The following LMX1A variants were observed in gnomAD, a reference collection of about 807,000 sequenced individuals.
The protein encoded by LMX1A is LIM homeobox transcription factor 1 alpha.
In LMX1A, 15 loss-of-function variants were observed where a neutral mutation model predicts 49.1. The observed-to-expected ratio is 0.31, with a 90% CI of 0.20 to 0.47. The LOEUF (loss-of-function observed/expected upper bound fraction) is 0.47, where lower values mean the gene tolerates loss of function less well. Ranked by LOEUF, LMX1A falls within the 20% of genes least tolerant of loss-of-function variation. LMX1A has a pLI of 1.00. For synonymous variants in LMX1A, 167 were observed against 185.7 expected (o/e 0.90, Z 0.82); for missense variants, 372 against 475.8 (o/e 0.78, Z 2.03).
At chr1:165,235,407 G>GACAC (rs5778434) in intron 4 of LMX1A, among the ~76,000 whole-genome samples, 65,820 of 134,428 alleles carry the variant, frequency 0.49, 14,527 homozygotes, top group Middle Eastern at 0.54. Context: ...CGCTCGCGCG[G>GACAC]ACACACACAC....
intron 3 of LMX1A, among the ~76,000 whole-genome samples, chr1:165,346,202 C>CT (rs1656240376): frequency 6.6e-6 from 1 of 152,196 alleles, no homozygotes; most frequent in Admixed American, 6.5e-5. Flanking sequence ...ATCTATCACT[C>CT]TATTATACAA....
intron 4 of LMX1A, among the ~76,000 whole-genome samples, chr1:165,231,562 AT>A (rs1249126550): frequency 6.6e-6 from 1 of 152,180 alleles, no homozygotes; most frequent in Non-Finnish European, 1.5e-5. Context: ...GGAATTGCAG[AT>A]GTGAGCCAAT....
At chr1:165,320,837 G>C (rs566291197) in intron 3 of LMX1A, among the ~76,000 whole-genome samples, 1 of 152,250 alleles carries the variant, frequency 6.6e-6, no homozygotes, top group Admixed American at 6.5e-5. Flanking sequence ...CATGTGATAA[G>C]TCAGATACAT....
rs1211352567 is a variant in LMX1A at position 165,259,358 on chromosome 1, TTG to T, written c.264-9720_264-9719del. On this transcript the variant is annotated intron_variant, in intron 3 of 8. Transcript: ENST00000342310. ...GAGTGTTGACCCACACACAAATTCA[TTG>T]CCTAACACCCAGCATATGTTCAGGA... 4.6e-5 allele frequency among the ~76,000 whole-genome samples: 7 copies of T among 152,300 alleles called. No homozygotes were observed. The East Asian group carries it at 9.6e-4, about 21-fold the overall frequency.
chr1:165,284,926 G>T (rs1027391037), intron 3 of LMX1A, among the ~76,000 whole-genome samples: 3 of 152,204 alleles, frequency 2.0e-5, no homozygotes, highest in Non-Finnish European at 2.9e-5. Context: ...GGAAAATCAC[G>T]TATGGTTGTT....
At chr1:165,222,064 C>T (rs973156611) in intron 4 of LMX1A, among the ~76,000 whole-genome samples, 4 of 152,088 alleles carry the variant, frequency 2.6e-5, no homozygotes, top group Admixed American at 2.6e-4. Context: ...CTGATAAGCA[C>T]AGGTGTATAC....
At chr1:165,239,277 G>A (rs1328564488) in intron 4 of LMX1A, among the ~76,000 whole-genome samples, 1 of 152,198 alleles carries the variant, frequency 6.6e-6, no homozygotes, top group East Asian at 1.9e-4. Flanking sequence ...TATGGTCAAT[G>A]TAAAAAGGAC....
intron 3 of LMX1A, among the ~76,000 whole-genome samples, chr1:165,332,701 A>G (rs1655783947): frequency 6.6e-6 from 1 of 152,188 alleles, no homozygotes; most frequent in South Asian, 2.1e-4. Context: ...TTGTTTCTCA[A>G]CAACATTCAT....
intron 3 of LMX1A, among the ~76,000 whole-genome samples, chr1:165,351,594 C>T (rs532641130): frequency 2.0e-5 from 3 of 152,282 alleles, no homozygotes; most frequent in African/African-American, 4.8e-5. Flanking sequence ...AAATCCAGCA[C>T]ACGTTTCTTT....
intron 3 of LMX1A, among the ~76,000 whole-genome samples, chr1:165,282,274 C>T (rs556523856): frequency 2.6e-5 from 4 of 152,184 alleles, no homozygotes; most frequent in Non-Finnish European, 5.9e-5. Context: ...CCTGAATATA[C>T]AGTCACCCCT....
intron 3 of LMX1A, among the ~76,000 whole-genome samples, chr1:165,309,643 G>A (rs1003226147): frequency 3.3e-5 from 5 of 152,114 alleles, no homozygotes; most frequent in Non-Finnish European, 5.9e-5. Flanking sequence ...CATGGCTCTC[G>A]GCAGCCTCTC....
At chr1:165,314,084 C>T (rs1396918260) in intron 3 of LMX1A, among the ~76,000 whole-genome samples, 3 of 152,184 alleles carry the variant, frequency 2.0e-5, no homozygotes, top group Non-Finnish European at 4.4e-5. Flanking sequence ...GGCAACCAAG[C>T]CAGCTCCCTA....
rs903401826 is a variant in LMX1A, at chr1:165,213,860, C to T, written c.497-47G>A. 2.5e-6 allele frequency: 4 copies of T among 1,581,762 alleles called. No homozygotes were observed. In the African/African-American group the frequency reaches 4.1e-5, roughly 16 times the overall value. On this transcript the variant is annotated intron_variant, in intron 4 of 8. Transcript: ENST00000342310. ...GTTGTGAGTCCCTGAAAGCCAGTTC[C>T]TGGAGCTGTATGTTATTCCATAGCA...
chr1:165,275,499 T>C (rs1653937630), intron 3 of LMX1A, among the ~76,000 whole-genome samples: 2 of 152,152 alleles, frequency 1.3e-5, no homozygotes, highest in Admixed American at 1.3e-4. Flanking sequence ...CCACGTAACT[T>C]CTAGTCATCT....
At chr1:165,265,303 G>A (rs947914535) in intron 3 of LMX1A, among the ~76,000 whole-genome samples, 1 of 152,036 alleles carries the variant, frequency 6.6e-6, no homozygotes, top group African/African-American at 2.4e-5. Flanking sequence ...AAAATAGGAA[G>A]TTGCAGACCT....
intron 3 of LMX1A, among the ~76,000 whole-genome samples, chr1:165,281,967 G>C (rs536677010): frequency 6.6e-6 from 1 of 152,126 alleles, no homozygotes; most frequent in African/African-American, 2.4e-5. Flanking sequence ...ATGACCCCCA[G>C]GTGTGAAATG....
At chr1:165,288,175 T>C (rs903793529) in intron 3 of LMX1A, among the ~76,000 whole-genome samples, 1 of 152,106 alleles carries the variant, frequency 6.6e-6, no homozygotes, top group Non-Finnish European at 1.5e-5. Flanking sequence ...TCCCAAGGGG[T>C]AACAGGGATG....
rs368260950 is a variant in LMX1A, at chr1:165,249,653, A to G, written c.264-13T>C. The G allele has an allele frequency of 2.1e-4, 339 of 1,607,108 alleles. No individual in the cohort carries two copies. Among genetic ancestry groups the G allele is most frequent in the Middle Eastern group, 8.2e-4 (5 of 6,080 alleles). ...AACAGCAAACAGCCTGGCAGCAGGG[A>G]GAAAGGAAGTACATGCACCATGAGT... On this transcript the variant is annotated splice_polypyrimidine_tract_variant and intron_variant, in intron 3 of 8. Transcript: ENST00000342310.
chr1:165,218,653 A>T (rs996582150), intron 4 of LMX1A: 5 of 152,220 alleles, frequency 3.3e-5, no homozygotes, highest in Non-Finnish European at 5.9e-5. Context: ...AGTGCCTAAA[A>T]TTTACACTGA....
Sources: gnomAD v4.1 joint callset for allele counts (sites outside exome capture counted in the v4.1 genomes callset) on GRCh38, gnomAD v4.1.1 for gene constraint, MANE v1.5 for transcripts, NCBI Gene and HGNC (gene_info 2026-07-23, HGNC 2026-07-21) for gene names.